The following ICA1L variants were observed in gnomAD, a reference collection of about 807,000 sequenced individuals.
ICA1L encodes the protein islet cell autoantigen 1 like.
Under a neutral mutation model 61.3 loss-of-function variants are expected in ICA1L, and 50 were observed. The ratio of observed to expected loss-of-function variants is 0.82; its 90% CI spans 0.65 to 1.03. The LOEUF (loss-of-function observed/expected upper bound fraction) is 1.03, where lower values mean the gene tolerates loss of function less well. Ranked by LOEUF, ICA1L falls within the 50% of genes least tolerant of loss-of-function variation. The probability of loss-of-function intolerance (pLI) is 0.00; values close to 1 mark genes in which losing one functional copy is unlikely to be tolerated. For missense variants in ICA1L, 508 were observed against 556.7 expected, an observed-to-expected ratio of 0.91 and a Z score of 0.88; for synonymous variants, 161 against 191.3, an observed-to-expected ratio of 0.84 and a Z score of 1.31.
chr2:202,813,341 C>A (rs1396514983), intron 8 of ICA1L, among the ~76,000 whole-genome samples: 2 of 151,654 alleles, frequency 1.3e-5, no homozygotes, highest in Admixed American at 1.3e-4. Context: ...TTAAAACATA[C>A]ATTCAAGTTA....
intron 1 of ICA1L, among the ~76,000 whole-genome samples, chr2:202,861,019 A>C (rs1694895182): frequency 6.6e-6 from 1 of 151,822 alleles, no homozygotes; most frequent in African/African-American, 2.4e-5. Context: ...CACCTGAGGT[A>C]CGGAGTTCAA....
intron 9 of ICA1L, among the ~76,000 whole-genome samples, chr2:202,797,435 ATGT>A (rs1167708693): frequency 6.6e-6 from 1 of 152,224 alleles, no homozygotes; most frequent in East Asian, 1.9e-4. Flanking sequence ...CACATACAAC[ATGT>A]TGTTTTGATA....
chr2:202,797,417 T>C (rs1692965437), intron 9 of ICA1L, among the ~76,000 whole-genome samples: 1 of 152,232 alleles, frequency 6.6e-6, no homozygotes, highest in South Asian at 2.1e-4. Context: ...CAAAAGTATA[T>C]AATCTGTCAC....
intron 1 of ICA1L, among the ~76,000 whole-genome samples, chr2:202,851,179 AG>A (rs1443846702): frequency 7.0e-6 from 1 of 143,842 alleles, no homozygotes; most frequent in Non-Finnish European, 1.5e-5. Flanking sequence ...ACCCCACAAC[AG>A]GCCCCAGTGT....
At chr2:202,786,561 AAAAAT>A in intron 11 of ICA1L, 1 of 249,326 alleles carries the variant, frequency 4.0e-6, no homozygotes, top group Non-Finnish European at 8.0e-6. Context: ...GTCTCAAAAA[AAAAAT>A]AATAATAATA....
chr2:202,828,908 T>G lies in ICA1L; in HGVS notation c.102A>C (p.Thr34=), dbSNP rs762820573. ...CCAAGTGCTCATCCTCTTTTTTTCC[T>G]GTTGCTTTGATAAAGACCTGTTTAG... ...WKTKQVFIKA[T]GKKEDEHLVA... is the part of the protein sequence containing the mutation. Residue 34 remains threonine (T), a synonymous_variant, in exon 2 of 13, where the codon ACA becomes ACC. Transcript: ENST00000358299. 1 of 1,613,816 alleles carries G rather than the reference T, an allele frequency of 6.2e-7. No individual in the cohort carries two copies.
At position 202,819,871 on chromosome 2, in the gene ICA1L, G is replaced by C. The variant is rs761970672; in HGVS notation, c.388C>G (p.Leu130Val). The change falls in exon 5 of 13, where the codon CTG becomes GTG. Residue 130 changes from leucine to valine, a missense_variant. Coordinates refer to ENST00000358299, the MANE Select transcript of ICA1L (RefSeq NM_001288622.3). ...RLALCTPLSRLKQEVATFSQR... is the reference protein window; with the variant it reads ...RLALCTPLSRVKQEVATFSQR... ...CTGAATGTTGCTACTTCTTGCTTCA[G>C]ACGAGACAGAGGAGTACACAGGGCC... is the stretch of plus-strand genomic sequence containing the variant. 11 of 1,614,084 alleles carry C rather than the reference G, an allele frequency of 6.8e-6. No individual in the cohort carries two copies. The highest frequency in any genetic ancestry group is 6.8e-6 in the Non-Finnish European group (8 of 1,179,982).
intron 2 of ICA1L, 52 bp downstream of exon 2, chr2:202,828,796 G>A (rs1175245295): frequency 1.4e-6 from 2 of 1,469,256 alleles, no homozygotes; most frequent in African/African-American, 2.8e-5. Flanking sequence ...GTTCCCCTTG[G>A]AGCCCCAAAT....
At position 202,774,238 on chromosome 2, in the gene ICA1L, CT is replaced by C; in HGVS notation, c.*5294del. On this transcript the variant is annotated 3_prime_UTR_variant, in exon 13 of 13. Coordinates refer to ENST00000358299, the MANE Select transcript of ICA1L (RefSeq NM_001288622.3). ...CGAAGGCGCGGGGCGGCTCCTGAGT[CT>C]TCTCGCTCCTGTCGGCCAAAGGCCG... 6.5e-7 allele frequency: 1 copy of C among 1,547,572 alleles called. No homozygotes were observed. The highest frequency in any genetic ancestry group is 8.7e-7 in the Non-Finnish European group (1 of 1,145,878).
At chr2:202,798,620 G>T (rs898000831) in intron 9 of ICA1L, among the ~76,000 whole-genome samples, 3 of 152,170 alleles carry the variant, frequency 2.0e-5, no homozygotes, top group African/African-American at 7.2e-5. Context: ...ATAATGAGTA[G>T]TGGTCAAGTC....
At chr2:202,859,525 T>C (rs1387539971) in intron 1 of ICA1L, among the ~76,000 whole-genome samples, 1 of 152,186 alleles carries the variant, frequency 6.6e-6, no homozygotes, top group African/African-American at 2.4e-5. Flanking sequence ...GACATTGACA[T>C]AGCAAAATTC....
chr2:202,819,310 A>G (rs755154526), intron 5 of ICA1L, among the ~76,000 whole-genome samples: 13 of 152,220 alleles, frequency 8.5e-5, no homozygotes, highest in Non-Finnish European at 2.9e-5. Flanking sequence ...GACAGAATAA[A>G]AATTTTGATA....
intron 9 of ICA1L, among the ~76,000 whole-genome samples, chr2:202,797,561 G>A (rs1013826420): frequency 4.6e-5 from 7 of 151,700 alleles, no homozygotes; most frequent in East Asian, 1.9e-4. Flanking sequence ...TTGCTCTGTC[G>A]CCCAGGCTGG....
chr2:202,823,949 C>A lies in ICA1L; in HGVS notation c.235+1746G>T, dbSNP rs530487977. Among the ~76,000 whole-genome samples, 7 of 152,256 alleles carry A rather than the reference C, an allele frequency of 4.6e-5. No homozygotes were observed. In the South Asian group the frequency reaches 1.2e-3, roughly 27 times the overall value. On this transcript the variant is annotated intron_variant, in intron 3 of 12. Coordinates refer to ENST00000358299, the MANE Select transcript of ICA1L (RefSeq NM_001288622.3). The stretch of plus-strand genomic sequence containing the variant: ...TAATCATGCTTTATTGGATTTATTT[C>A]TTTAATGGGACAATGTATAAGCTTT...
chr2:202,804,600 T>C (rs1453345694), intron 9 of ICA1L, among the ~76,000 whole-genome samples: 1 of 152,166 alleles, frequency 6.6e-6, no homozygotes, highest in African/African-American at 2.4e-5. Flanking sequence ...TTAAAACACA[T>C]TTCTCAACAC....
At chr2:202,852,432 A>G (rs946339526) in intron 1 of ICA1L, among the ~76,000 whole-genome samples, 63 of 151,996 alleles carry the variant, frequency 4.1e-4, no homozygotes, top group African/African-American at 1.4e-3. Context: ...GCACTTTGGG[A>G]GGCTGAGGCG....
intron 5 of ICA1L, among the ~76,000 whole-genome samples, chr2:202,818,340 A>G (rs768315914): frequency 1.1e-4 from 16 of 152,158 alleles, no homozygotes; most frequent in Admixed American, 5.2e-4. Flanking sequence ...AGCAAGGACA[A>G]AGGTCCTGAG....
chr2:202,841,856 G>T (rs1423415879), intron 1 of ICA1L: 2 of 260,514 alleles, frequency 7.7e-6, no homozygotes, highest in Non-Finnish European at 1.5e-5. Context: ...CTGCTTCTTG[G>T]TCTATTTTTT....
At chr2:202,815,845 G>T in intron 7 of ICA1L, 66 bp downstream of exon 7, 5 of 854,424 alleles carry the variant, frequency 5.9e-6, no homozygotes, top group Non-Finnish European at 8.5e-6. Flanking sequence ...AAAAAAAAAA[G>T]TTTCAATGTT....
Sources: gnomAD v4.1 joint callset for allele counts (sites outside exome capture counted in the v4.1 genomes callset) on GRCh38, gnomAD v4.1.1 for gene constraint, MANE v1.5 for transcripts, NCBI Gene and HGNC (gene_info 2026-07-23, HGNC 2026-07-21) for gene names.